Variants in TMEM87B observed in about 807,000 individuals in gnomAD.
TMEM87B encodes the protein transmembrane protein 87B.
In TMEM87B, 83 loss-of-function variants were observed where a neutral mutation model predicts 80.3. The ratio of observed to expected loss-of-function variants is 1.03; its 90% CI spans 0.87 to 1.24. The LOEUF (loss-of-function observed/expected upper bound fraction) is 1.24, where lower values mean the gene tolerates loss of function less well. TMEM87B is among the 50% of genes most tolerant of loss of function. The pLI is 0.00. For synonymous variants in TMEM87B, 219 were observed against 230.5 expected (o/e 0.95, Z 0.45); for missense variants, 625 against 674.4 (o/e 0.93, Z 0.81).
chr2:112,082,667 TGTGTGTGTGC>T, intron 8 of TMEM87B, among the ~76,000 whole-genome samples: 1 of 152,146 alleles, frequency 6.6e-6, no homozygotes, highest in African/African-American at 2.4e-5. Context: ...GGTGTGTGTG[TGTGTGTGTGC>T]GTGTGCGTGT....
chr2:112,061,238 C>T (rs1420948610), intron 2 of TMEM87B, among the ~76,000 whole-genome samples: 1 of 152,112 alleles, frequency 6.6e-6, no homozygotes, highest in East Asian at 1.9e-4. Flanking sequence ...CATTGTGGCC[C>T]AATTCCTCTT....
intron 1 of TMEM87B, among the ~76,000 whole-genome samples, chr2:112,056,525 G>T (rs1678069109): frequency 6.6e-6 from 1 of 152,164 alleles, no homozygotes; most frequent in Non-Finnish European, 1.5e-5. Context: ...GGAAAGTCTT[G>T]CAAAAGAGAG....
At chr2:112,085,820 G>T (rs60529824) in intron 8 of TMEM87B, among the ~76,000 whole-genome samples, 185 bp from the exon 9 acceptor site, 12,414 of 152,228 alleles carry the variant, frequency 0.082, 1,188 homozygotes, top group African/African-American at 0.23. Flanking sequence ...GTGAATTCTT[G>T]AGGCGAGTAT....
intron 3 of TMEM87B, 36 bp from the exon 4 acceptor site, chr2:112,066,900 G>A (rs1432840145): frequency 9.9e-6 from 15 of 1,510,710 alleles, no homozygotes; most frequent in Non-Finnish European, 1.2e-5. Flanking sequence ...AAGAAGTGTG[G>A]GAATAAATTA....
chr2:112,083,655 T>C (rs1679064346), intron 8 of TMEM87B, among the ~76,000 whole-genome samples: 1 of 152,216 alleles, frequency 6.6e-6, no homozygotes. Flanking sequence ...TGGGGCTGTG[T>C]AGAGGCTTCC....
At chr2:112,111,069 C>T (rs1191823124) in intron 17 of TMEM87B, among the ~76,000 whole-genome samples, 3 of 152,162 alleles carry the variant, frequency 2.0e-5, no homozygotes, top group Non-Finnish European at 4.4e-5. Flanking sequence ...AGCTTGCAGT[C>T]ACAGCAGGGA....
rs563738524 is a variant in TMEM87B at position 112,055,684 on chromosome 2, C to T, written c.93C>T (p.Cys31=). The T allele has an allele frequency of 6.3e-7, 1 of 1,582,150 alleles. No individual in the cohort carries two copies. Among genetic ancestry groups the T allele is most frequent in the Non-Finnish European group, 8.6e-7 (1 of 1,167,660 alleles). ...CCCCGCTGCTGCGCGTCGCCCTCTG[C>T]CTCCTGTGCTGGACCCCGGCGGCTG... The part of the protein sequence containing the change: ...ARAPLLRVAL[C]LLCWTPAAVR... Residue 31 remains cysteine (C), a synonymous_variant, in exon 1 of 19, where the codon TGC becomes TGT. Coordinates refer to ENST00000283206, the MANE Select transcript of TMEM87B (RefSeq NM_032824.3).
At position 112,088,487 on chromosome 2, in the gene TMEM87B, A is replaced by G. The variant is rs117452177; in HGVS notation, c.939-1138A>G. Among the ~76,000 whole-genome samples the G allele has an allele frequency of 4.8e-4, 73 of 152,316 alleles. 2 individuals are homozygous for G. The East Asian group carries it at 0.012, about 25-fold the overall frequency. ...TTTAGATTCCTTAGATTAGGTAAAT[A>G]GTCTTAATTAAATATGAGCTATGAC... On this transcript the variant is annotated intron_variant, in intron 9 of 18. Coordinates refer to ENST00000283206, the MANE Select transcript of TMEM87B (RefSeq NM_032824.3).
At chr2:112,062,744 G>A (rs1402687551) in intron 2 of TMEM87B, among the ~76,000 whole-genome samples, 2 of 152,162 alleles carry the variant, frequency 1.3e-5, no homozygotes, top group African/African-American at 2.4e-5. Context: ...TTTTAGGATG[G>A]TTCTGCAGTA....
chr2:112,097,845 C>T (rs1245145946), intron 13 of TMEM87B, among the ~76,000 whole-genome samples: 7 of 151,580 alleles, frequency 4.6e-5, no homozygotes. Flanking sequence ...AATTCTCTTC[C>T]TGTATACCCT....
intron 15 of TMEM87B, among the ~76,000 whole-genome samples, chr2:112,103,973 G>T (rs1051561681): frequency 1.3e-5 from 2 of 152,092 alleles, no homozygotes; most frequent in African/African-American, 4.8e-5. Flanking sequence ...TTTGACAAAG[G>T]CACCAAGGCT....
intron 9 of TMEM87B, among the ~76,000 whole-genome samples, chr2:112,087,432 C>T (rs1031081542): frequency 2.0e-5 from 3 of 152,040 alleles, no homozygotes; most frequent in East Asian, 1.9e-4. Flanking sequence ...CCCTGACCTT[C>T]GGTTTTTTTT....
intron 3 of TMEM87B, 61 bp downstream of exon 3, chr2:112,064,314 G>A (rs1238624159): frequency 1.2e-5 from 17 of 1,361,198 alleles, no homozygotes; most frequent in Non-Finnish European, 1.8e-5. Context: ...TGGGTATAAA[G>A]ATTAGCTCAT....
chr2:112,070,083 G>T (rs1678577671), intron 4 of TMEM87B, among the ~76,000 whole-genome samples: 1 of 152,004 alleles, frequency 6.6e-6, no homozygotes, highest in Non-Finnish European at 1.5e-5. Context: ...ACCTTTGTCA[G>T]ATGCATAGCT....
At position 112,074,864 on chromosome 2, in the gene TMEM87B, C is replaced by T. The variant is rs62157836; in HGVS notation, c.451-48C>T. On this transcript the variant is annotated intron_variant, in intron 4 of 18. Coordinates refer to ENST00000283206, the MANE Select transcript of TMEM87B (RefSeq NM_032824.3). Reference sequence around the variant, plus strand: ...CTTAATTATTAAAACAATTTTTCTCCGTAGAAATGCAGCAGTATAAAATGG... The same window carrying T: ...CTTAATTATTAAAACAATTTTTCTCTGTAGAAATGCAGCAGTATAAAATGG... 8,259 of 1,471,590 alleles carry T rather than the reference C, an allele frequency of 5.6e-3. 41 individuals carry two copies. Among genetic ancestry groups the T allele is most frequent in the Non-Finnish European group, 6.9e-3 (7,680 of 1,108,238 alleles). The allele number at this position is 1,471,590 out of a possible 1,614,324, so 91.2% of individuals were successfully genotyped here. A position where few individuals can be genotyped will look rare whatever the true frequency, so the allele number is the denominator to read the frequency against.
chr2:112,093,963 T>C (rs1679378813), intron 11 of TMEM87B, among the ~76,000 whole-genome samples: 2 of 152,200 alleles, frequency 1.3e-5, no homozygotes, highest in Admixed American at 6.5e-5. Flanking sequence ...TTTTCTGTCA[T>C]TGTGTGTTTA....
At chr2:112,081,268 A>C in intron 7 of TMEM87B, 67 bp from the exon 8 acceptor site, 1 of 1,479,662 alleles carries the variant, frequency 6.8e-7, no homozygotes, top group Non-Finnish European at 9.2e-7. Flanking sequence ...GGATACTTGA[A>C]TGTAGAAGTG....
At chr2:112,112,439 A>C (rs1475165327) in intron 17 of TMEM87B, among the ~76,000 whole-genome samples, 1 of 152,158 alleles carries the variant, frequency 6.6e-6, no homozygotes, top group East Asian at 1.9e-4. Flanking sequence ...TCCGCAATAA[A>C]ATTTTTGGAT....
intron 14 of TMEM87B, among the ~76,000 whole-genome samples, chr2:112,099,555 T>TATATATATATACATAC (rs1019425429): frequency 1.4e-5 from 1 of 73,558 alleles, no homozygotes; most frequent in African/African-American, 5.0e-5. Flanking sequence ...TATATATATA[T>TATATATATATACATAC]ACACACACAC....
Sources: allele counts gnomAD v4.1 joint callset (sites outside exome capture counted in the v4.1 genomes callset), GRCh38; gene constraint gnomAD v4.1.1; transcripts MANE v1.5; gene names NCBI Gene and HGNC (gene_info 2026-07-23, HGNC 2026-07-21).